Variants in HTT observed in about 807,000 individuals in gnomAD.
The protein encoded by HTT is huntington disease protein.
HTT carries 104 observed loss-of-function variants against 362.3 expected under a neutral mutation model. The ratio of observed to expected loss-of-function variants is 0.29; its 90% CI spans 0.24 to 0.34. The LOEUF is 0.34. Among genes scored for constraint, HTT ranks in the 10% least tolerant of loss-of-function variants. The probability of loss-of-function intolerance (pLI) is 1.00; values close to 1 mark genes in which losing one functional copy is unlikely to be tolerated. For synonymous variants in HTT, 1,577 were observed against 1,548.7 expected (o/e 1.02, Z -0.43); for missense variants, 3,301 against 3,928.6 (o/e 0.84, Z 4.27).
At chr4:3,122,027 G>T (rs1715319793) in intron 9 of HTT, among the ~76,000 whole-genome samples, 1 of 152,228 alleles carries the variant, frequency 6.6e-6, no homozygotes, top group South Asian at 2.1e-4. Flanking sequence ...AATAGTTCCA[G>T]GATCCTCATG....
rs1311584028 is a variant in HTT, at chr4:3,222,383, C to G, written c.7370-4C>G. Reference sequence around the variant, plus strand: ...ACTCTCTCATGTAACATTTATATTTCTAGGCTGGACCAGTCGTACTCAGTT... The same window carrying G: ...ACTCTCTCATGTAACATTTATATTTGTAGGCTGGACCAGTCGTACTCAGTT... On this transcript the variant is annotated splice_polypyrimidine_tract_variant and splice_region_variant and intron_variant, in intron 53 of 66. Transcript: ENST00000355072. 1.2e-6 allele frequency: 2 copies of G among 1,612,402 alleles called. No homozygotes were observed. Among genetic ancestry groups the G allele is most frequent in the Admixed American group, 3.3e-5 (2 of 60,002 alleles).
rs564330431 is a variant in HTT at position 3,226,180 on chromosome 4, TGGG to T, written c.7848+441_7848+443del. On this transcript the variant is annotated intron_variant, in intron 57 of 66. Transcript: ENST00000355072. ...CGTGAGTGTCCCTGGGGCCAGCTCT[TGGG>T]GGGCTCCCTGAGTGTCCCTGTCCCT... Among the ~76,000 whole-genome samples the T allele has an allele frequency of 1.8e-3, 273 of 150,366 alleles. 2 individuals are homozygous for T. The highest frequency in any genetic ancestry group is 3.0e-3 in the Admixed American group (46 of 15,104).
In HTT at chr4:3,187,739, T is replaced by C; in HGVS notation, c.5078T>C (p.Leu1693Pro). 6.2e-7 allele frequency: 1 copy of C among 1,614,152 alleles called. No individual in the cohort carries two copies. The highest frequency in any genetic ancestry group is 8.5e-7 in the Non-Finnish European group (1 of 1,179,960). Residue 1693 changes from leucine to proline, a missense_variant, in exon 39 of 67, where the codon CTT (leucine) becomes CCT (proline). Physicochemically the swap from Leu to Pro is moderately conservative, Grantham distance 98. Transcript: ENST00000355072. ...LISQSTEDIVLSRIQELSFSP... is the reference protein window; with the variant it reads ...LISQSTEDIVPSRIQELSFSP... ...TCCCAGTCAACTGAAGATATTGTTC[T>C]TTCTCGTATTCAGGAGCTCTCCTTC... is the stretch of plus-strand genomic sequence containing the variant.
At chr4:3,094,153 A>G (rs965033361) in intron 2 of HTT, among the ~76,000 whole-genome samples, 1 of 151,682 alleles carries the variant, frequency 6.6e-6, no homozygotes, top group African/African-American at 2.4e-5. Context: ...CATCTGTTTA[A>G]CAAAGCACAT....
At chr4:3,095,371 C>G (rs575002104) in intron 2 of HTT, among the ~76,000 whole-genome samples, 12 of 152,222 alleles carry the variant, frequency 7.9e-5, no homozygotes, top group African/African-American at 2.9e-4. Context: ...CCAAAAAACA[C>G]GAAAACCAGT....
intron 6 of HTT, among the ~76,000 whole-genome samples, chr4:3,108,533 G>C (rs2110164661): frequency 1.3e-5 from 2 of 152,318 alleles, no homozygotes; most frequent in Admixed American, 1.3e-4. Context: ...TCTGTTGAAG[G>C]CAGTCCCCTC....
intron 61 of HTT, among the ~76,000 whole-genome samples, 200 bp from the exon 62 acceptor site, chr4:3,235,084 C>T (rs1022681742): frequency 1.3e-5 from 2 of 152,098 alleles, no homozygotes; most frequent in African/African-American, 4.8e-5. Context: ...TAGACGGGCT[C>T]AGCCACTCAG....
At position 3,150,724 on chromosome 4, in the gene HTT, G is replaced by T. The variant is rs903631657; in HGVS notation, c.3498+2517G>T. ...CACATATACATGCACATATGCAGGG[G>T]TCCCCAACCTCTGTTAAAAACCGGA... On this transcript the variant is annotated intron_variant, in intron 26 of 66. Transcript: ENST00000355072. 6.6e-5 allele frequency among the ~76,000 whole-genome samples: 10 copies of T among 152,260 alleles called. No homozygotes were observed. The South Asian group carries it at 1.4e-3, about 22-fold the overall frequency.
chr4:3,233,503 T>A, intron 61 of HTT, 150 bp downstream of exon 61: 1 of 754,796 alleles, frequency 1.3e-6, no homozygotes, highest in Non-Finnish European at 2.2e-6. Flanking sequence ...CTGAGGTCAG[T>A]GAGACGCAAG....
intron 47 of HTT, among the ~76,000 whole-genome samples, chr4:3,211,186 G>T (rs1720142808): frequency 6.6e-6 from 1 of 152,166 alleles, no homozygotes; most frequent in Admixed American, 6.5e-5. Flanking sequence ...TTATAGGCCT[G>T]AGCCACCACG....
intron 1 of HTT, among the ~76,000 whole-genome samples, chr4:3,085,092 G>A (rs1239988081): frequency 3.3e-5 from 5 of 151,908 alleles, no homozygotes; most frequent in African/African-American, 4.8e-5. Flanking sequence ...TTGTGTGCCC[G>A]TGCAGATTGC....
chr4:3,212,926 G>C (rs1302242337), intron 49 of HTT: 1 of 553,622 alleles, frequency 1.8e-6, no homozygotes, highest in Admixed American at 3.1e-5. Context: ...AGGTCAGCCA[G>C]GTCCCCTTCT....
chr4:3,154,231 T>C, intron 26 of HTT, 62 bp from the exon 27 acceptor site: 1 of 1,319,918 alleles, frequency 7.6e-7, no homozygotes, highest in Non-Finnish European at 1.0e-6. Flanking sequence ...ATTTTCAGTT[T>C]TGTTATACTT....
At chr4:3,115,484 G>A in intron 7 of HTT, 39 bp downstream of exon 7, 1 of 1,522,160 alleles carries the variant, frequency 6.6e-7, no homozygotes. Context: ...TCTCCAGCAT[G>A]TACTCAAGAT....
chr4:3,170,930 G>C (rs1014409563), intron 29 of HTT, among the ~76,000 whole-genome samples: 7 of 152,182 alleles, frequency 4.6e-5, no homozygotes, highest in Non-Finnish European at 1.0e-4. Context: ...AGTATTTGTA[G>C]CAGAGCCCTG....
rs766455633 is a variant in HTT, at chr4:3,116,106, A to T, written c.911A>T (p.Asp304Val). The change falls in exon 8 of 67, where the codon GAT (aspartate) becomes GTT (valine). Residue 304 changes from aspartate (D) to valine (V), a missense_variant. By Grantham distance (152) the Asp-to-Val change is radical. Coordinates refer to ENST00000355072, the MANE Select transcript of HTT (RefSeq NM_001388492.1). Reference protein sequence around the residue: ...VLLGLLVPVEDEHSTLLILGV... With the variant: ...VLLGLLVPVEVEHSTLLILGV... ...ACAGGCTTACTCGTTCCTGTCGAGG[A>T]TGAACACTCCACTCTGCTGATTCTT... is the stretch of plus-strand genomic sequence containing the variant. 4 of 1,612,224 alleles carry T rather than the reference A, an allele frequency of 2.5e-6. No individual in the cohort carries two copies. Among genetic ancestry groups the T allele is most frequent in the Non-Finnish European group, 3.4e-6 (4 of 1,179,178 alleles).
chr4:3,190,896 C>G (rs1279061781), intron 40 of HTT, among the ~76,000 whole-genome samples: 1 of 152,196 alleles, frequency 6.6e-6, no homozygotes, highest in Non-Finnish European at 1.5e-5. Flanking sequence ...TCTTTCTTCT[C>G]TCAAGAAAAT....
chr4:3,078,987 G>C (rs1712732587), intron 1 of HTT, among the ~76,000 whole-genome samples: 1 of 152,098 alleles, frequency 6.6e-6, no homozygotes, highest in African/African-American at 2.4e-5. Flanking sequence ...CGCCGACCTT[G>C]TGATCCGCCC....
intron 36 of HTT, 27 bp from the exon 37 acceptor site, chr4:3,182,327 A>C: frequency 6.8e-7 from 1 of 1,472,600 alleles, no homozygotes; most frequent in Non-Finnish European, 9.5e-7. Flanking sequence ...TTGGCAGCAG[A>C]CTTTCTAATT....
Sources: gnomAD v4.1 joint callset for allele counts (sites outside exome capture counted in the v4.1 genomes callset) on GRCh38, gnomAD v4.1.1 for gene constraint, MANE v1.5 for transcripts, NCBI Gene and HGNC (gene_info 2026-07-23, HGNC 2026-07-21) for gene names.